The following SNAPC4 variants were observed in gnomAD, a reference collection of about 807,000 sequenced individuals.
The protein encoded by SNAPC4 is snRNA-activating protein complex subunit 4.
In SNAPC4, 127 loss-of-function variants were observed where a neutral mutation model predicts 151.3. The ratio of observed to expected loss-of-function variants is 0.84; its 90% CI spans 0.73 to 0.97. The LOEUF (loss-of-function observed/expected upper bound fraction) is 0.97, where lower values mean the gene tolerates loss of function less well. SNAPC4 is among the 50% of genes least tolerant of loss of function. The pLI, the probability that SNAPC4 is intolerant of heterozygous loss-of-function variation, is 0.00. For synonymous variants in SNAPC4, 1,002 were observed against 824.4 expected (o/e 1.22, Z -3.69); for missense variants, 2,186 against 1,935.0 (o/e 1.13, Z -2.43).
At chr9:136,380,217 C>T (rs925094019) in intron 20 of SNAPC4, among the ~76,000 whole-genome samples, 3 of 152,156 alleles carry the variant, frequency 2.0e-5, no homozygotes, top group African/African-American at 7.2e-5. Context: ...GGCCTTGTTC[C>T]CCCTGCCAGT....
chr9:136,384,716 T>C lies in SNAPC4; in HGVS notation c.1420+4A>G, dbSNP rs928446464. The C allele has an allele frequency of 1.4e-6, 2 of 1,410,648 alleles. No homozygotes were observed. Among genetic ancestry groups the C allele is most frequent in the South Asian group, 1.2e-5 (1 of 81,204 alleles). 87.4% of individuals were successfully genotyped at this position (1,410,648 alleles called of 1,614,324 possible). ...ACTAGAAGAACAAACTGTCAGCAACTTACCGACACCATATTTTTCTATTAA... is the reference window on the plus strand; with the variant it reads ...ACTAGAAGAACAAACTGTCAGCAACCTACCGACACCATATTTTTCTATTAA... On this transcript the variant is annotated splice_donor_region_variant and intron_variant, in intron 14 of 23. Coordinates refer to ENST00000684778, the MANE Select transcript of SNAPC4 (RefSeq NM_003086.4).
Position 136,379,083 on chromosome 9 carries a change from A to C in SNAPC4, c.2744T>G (p.Val915Gly). 3 of 1,568,798 alleles carry C rather than the reference A, an allele frequency of 1.9e-6. No homozygotes were observed. Among genetic ancestry groups the C allele is most frequent in the Non-Finnish European group, 2.6e-6 (3 of 1,157,610 alleles). ...ARAREATRGP[V>G]VLPSQLLVSS... ...GACCAGCAGCTGGGACGGGAGCACC[A>C]CCGGGCCCCGGGTGGCCTCCCTGGC... The change falls in exon 22 of 24, where the codon GTG becomes GGG. Residue 915 changes from valine (V) to glycine (G), a missense_variant. Transcript: ENST00000684778.
At position 136,381,408 on chromosome 9, in the gene SNAPC4, GA is replaced by G. The variant is rs769982259; in HGVS notation, c.2318-17del. 3.0e-5 allele frequency: 49 copies of G among 1,609,696 alleles called. No individual in the cohort carries two copies. The highest frequency in any genetic ancestry group is 1.2e-4 in the Admixed American group (7 of 59,970). ...AGGCCATCCGCTGCGGGCACAGGGG[GA>G]TAAGTGGAAAGCAGCCCCAGCTCCC... On this transcript the variant is annotated splice_polypyrimidine_tract_variant and intron_variant, in intron 18 of 23. Transcript: ENST00000684778.
chr9:136,384,744 C>A lies in SNAPC4; in HGVS notation c.1396G>T (p.Glu466Ter). Residue 466 changes from glutamate (E) to a stop codon, truncating the protein, a stop_gained, in exon 14 of 24, where the codon GAA (glutamate) becomes TAA (stop). Coordinates refer to ENST00000684778, the MANE Select transcript of SNAPC4 (RefSeq NM_003086.4). LOFTEE classifies it high-confidence loss of function. ...CCGACACCATATTTTTCTATTAATT[C>A]AATTAACTGTTCCTCTTCTTTTAAA... Reference protein sequence around the residue: ...WNLKEEEQLIELIEKYGVGHW... With the variant: ...WNLKEEEQLI 1.9e-6 allele frequency: 3 copies of A among 1,563,098 alleles called. No individual in the cohort carries two copies. The highest frequency in any genetic ancestry group is 2.6e-6 in the Non-Finnish European group (3 of 1,142,010).
intron 9 of SNAPC4, 143 bp from the exon 10 acceptor site, chr9:136,392,249 C>G (rs570381826): frequency 3.9e-6 from 4 of 1,034,722 alleles, no homozygotes; most frequent in East Asian, 4.9e-5. Context: ...ACTCACTAGG[C>G]CTTGCATAGC....
At chr9:136,379,580 G>A (rs961764498) in intron 21 of SNAPC4, among the ~76,000 whole-genome samples, 20 of 152,204 alleles carry the variant, frequency 1.3e-4, no homozygotes, top group African/African-American at 4.8e-4. Flanking sequence ...GGGCATGGGC[G>A]GACGCTCGCT....
intron 2 of SNAPC4, among the ~76,000 whole-genome samples, chr9:136,398,054 G>C (rs984720690): frequency 6.6e-6 from 1 of 152,204 alleles, no homozygotes; most frequent in African/African-American, 2.4e-5. Context: ...GGTCCAAGCA[G>C]CACCAGCCAT....
chr9:136,377,266 C>T (rs553964098), intron 22 of SNAPC4, among the ~76,000 whole-genome samples: 1 of 152,224 alleles, frequency 6.6e-6, no homozygotes, highest in Non-Finnish European at 1.5e-5. Flanking sequence ...TCAGACAAGG[C>T]CACCTGGCTG....
At chr9:136,381,166 C>G (rs1833676272) in intron 19 of SNAPC4, among the ~76,000 whole-genome samples, 156 bp downstream of exon 19, 3 of 152,244 alleles carry the variant, frequency 2.0e-5, no homozygotes, top group African/African-American at 7.2e-5. Context: ...CTTCCACATT[C>G]ACTTGCTAAC....
Position 136,377,790 on chromosome 9 carries a change from G to C in SNAPC4, c.4037C>G (p.Ala1346Gly), listed in dbSNP as rs370504482. 3 of 1,611,912 alleles carry C rather than the reference G, an allele frequency of 1.9e-6. No homozygotes were observed. Among genetic ancestry groups the C allele is most frequent in the Admixed American group, 3.3e-5 (2 of 59,974 alleles). ...CTGCCCCCGCACCAGCCCCAGTGAG[G>C]CTTGCAGTGCTCCGGCCGGCCGCTC... ...EAERPAGALQ[A>G]SLGLVRGQLQ... The change falls in exon 22 of 24, where the codon GCC becomes GGC. Residue 1346 changes from alanine to glycine, a missense_variant. Ala to Gly is a moderately conservative substitution (Grantham distance 60, BLOSUM62 0). Transcript: ENST00000684778.
chr9:136,378,757 C>G lies in SNAPC4; in HGVS notation c.3070G>C (p.Gly1024Arg). ...ISVSCPESGL[G>R]QSQAPAASRK... ...GATGCAGCGGGGGCCTGAGACTGTCCGAGACCACTCTCGGGGCAGCTCACA... is the reference window on the plus strand; with the variant it reads ...GATGCAGCGGGGGCCTGAGACTGTCGGAGACCACTCTCGGGGCAGCTCACA... The change falls in exon 22 of 24, where the codon GGA becomes CGA. Residue 1024 changes from glycine (G) to arginine (R), a missense_variant. Coordinates refer to ENST00000684778, the MANE Select transcript of SNAPC4 (RefSeq NM_003086.4). 2 of 1,531,940 alleles carry G rather than the reference C, an allele frequency of 1.3e-6. No homozygotes were observed. The highest frequency in any genetic ancestry group is 1.8e-6 in the Non-Finnish European group (2 of 1,138,822). 94.9% of individuals were successfully genotyped at this position (1,531,940 alleles called of 1,614,324 possible).
chr9:136,384,792 T>A lies in SNAPC4; in HGVS notation c.1348A>T (p.Ser450Cys), dbSNP rs773263264. The stretch of plus-strand genomic sequence containing the variant: ...AAATTCCACCGACCCTTTTTCAAGC[T>A]GAAATGTAATCTCCTGAGATACCTG... ...RDRYLRRLHF[S>C]LKKGRWNLKE... is the part of the protein sequence containing the mutation. Residue 450 changes from serine (S) to cysteine (C), a missense_variant, in exon 14 of 24, where the codon AGC becomes TGC. Ser to Cys is a moderately radical substitution (Grantham distance 112, BLOSUM62 -1). Coordinates refer to ENST00000684778, the MANE Select transcript of SNAPC4 (RefSeq NM_003086.4). 6.3e-7 allele frequency: 1 copy of A among 1,593,832 alleles called. No individual in the cohort carries two copies. Among genetic ancestry groups the A allele is most frequent in the South Asian group, 1.1e-5 (1 of 88,002 alleles).
chr9:136,394,079 A>G (rs1834174542), intron 7 of SNAPC4, among the ~76,000 whole-genome samples, 170 bp downstream of exon 7: 1 of 152,178 alleles, frequency 6.6e-6, no homozygotes, highest in Non-Finnish European at 1.5e-5. Flanking sequence ...CACCACACCC[A>G]GCTAATTTTT....
At chr9:136,394,175 A>G in intron 7 of SNAPC4, 74 bp downstream of exon 7, 2 of 1,254,748 alleles carry the variant, frequency 1.6e-6, no homozygotes, top group Non-Finnish European at 2.3e-6. Flanking sequence ...TTGGCCTCCC[A>G]AAGTGCTGGG....
rs768204842 is a variant in SNAPC4, at chr9:136,378,758, G to A, written c.3069C>T (p.Leu1023=). 18 of 1,533,816 alleles carry A rather than the reference G, an allele frequency of 1.2e-5. No homozygotes were observed. Among genetic ancestry groups the A allele is most frequent in the African/African-American group, 2.7e-5 (2 of 72,960 alleles). The change falls in exon 22 of 24, where the codon CTC becomes CTT. Residue 1023 remains leucine (L), a synonymous_variant. Coordinates refer to ENST00000684778, the MANE Select transcript of SNAPC4 (RefSeq NM_003086.4). ...ATGCAGCGGGGGCCTGAGACTGTCC[G>A]AGACCACTCTCGGGGCAGCTCACAG... ...QISVSCPESG[L]GQSQAPAASR...
rs1442669742 is a variant in SNAPC4 at position 136,392,582 on chromosome 9, T to C, written c.750A>G (p.Glu250=). 1.9e-6 allele frequency: 3 copies of C among 1,613,744 alleles called. No individual in the cohort carries two copies. The highest frequency in any genetic ancestry group is 1.3e-5 in the African/African-American group (1 of 74,946). Residue 250 remains glutamate, a synonymous_variant, in exon 9 of 24, where the codon GAA becomes GAG. Transcript: ENST00000684778. Reference sequence around the variant, plus strand: ...CCAGCCTGTTTCCCAGCAAGGCCTCTTCTGGAAGCTGGCTGGTGGAAGGGA... The same window carrying C: ...CCAGCCTGTTTCCCAGCAAGGCCTCCTCTGGAAGCTGGCTGGTGGAAGGGA... ...KEIQDINQLP[E]EALLGNRLDS...
Position 136,390,553 on chromosome 9 carries a change from T to G in SNAPC4, c.975+1389A>C, listed in dbSNP as rs1446880614. ...CTGGGCGACAGAGTGAGACTCTGTT[T>G]GAAAAAAAAAAAAAAAAAAAAAAAA... On this transcript the variant is annotated intron_variant, in intron 10 of 23. Transcript: ENST00000684778. Among the ~76,000 whole-genome samples, 26 of 24,844 alleles carry G rather than the reference T, an allele frequency of 1.0e-3. 1 individual carries two copies. Among genetic ancestry groups the G allele is most frequent in the African/African-American group, 6.0e-3 (21 of 3,504 alleles). 16.3% of individuals were successfully genotyped at this position (24,844 alleles called of 152,430 possible).
chr9:136,398,645 T>C (rs908700405), intron 1 of SNAPC4: 3 of 531,216 alleles, frequency 5.6e-6, no homozygotes, highest in Non-Finnish European at 6.7e-6. Context: ...CTATGTGCTC[T>C]GCCAGGAGCC....
chr9:136,392,657 G>A lies in SNAPC4; in HGVS notation c.737+16C>T, dbSNP rs200838173. The A allele has an allele frequency of 2.4e-5, 38 of 1,613,382 alleles. No individual in the cohort carries two copies. In the East Asian group the frequency reaches 3.1e-4, roughly 13 times the overall value. ...CTTGTGGGCTCCCCTGGGCCCTCCC[G>A]GGAGGCCCCCCTCACTTGATGTCCT... On this transcript the variant is annotated intron_variant, in intron 8 of 23. Coordinates refer to ENST00000684778, the MANE Select transcript of SNAPC4 (RefSeq NM_003086.4).
Sources: gnomAD v4.1 joint callset for allele counts (sites outside exome capture counted in the v4.1 genomes callset) on GRCh38, gnomAD v4.1.1 for gene constraint, MANE v1.5 for transcripts, NCBI Gene and HGNC (gene_info 2026-07-23, HGNC 2026-07-21) for gene names.